The following SPOCK3 variants were observed in gnomAD, a reference collection of about 807,000 sequenced individuals.
SPOCK3 encodes SPARC (osteonectin), cwcv and kazal like domains proteoglycan 3.
A neutral mutation model predicts 56.6 loss-of-function variants in SPOCK3; 30 were observed. That is an observed-to-expected ratio of 0.53 (90% CI 0.40 to 0.72). SPOCK3 has a LOEUF of 0.72. Ranked by LOEUF, SPOCK3 falls within the 30% of genes least tolerant of loss-of-function variation. The pLI, the probability that SPOCK3 is intolerant of heterozygous loss-of-function variation, is 0.00. For synonymous variants in SPOCK3, 196 were observed against 183.3 expected (o/e 1.07, Z -0.56); for missense variants, 527 against 530.0 (o/e 0.99, Z 0.06).
At chr4:166,793,388 A>G (rs1359183550) in intron 6 of SPOCK3, among the ~76,000 whole-genome samples, 2 of 152,208 alleles carry the variant, frequency 1.3e-5, no homozygotes, top group African/African-American at 4.8e-5. Flanking sequence ...ACACTGGAAG[A>G]AGAATTGTCT....
intron 3 of SPOCK3, among the ~76,000 whole-genome samples, chr4:167,022,711 G>A (rs1445730871): frequency 6.6e-6 from 1 of 152,038 alleles, no homozygotes; most frequent in Non-Finnish European, 1.5e-5. Context: ...GTTTAGGGCA[G>A]CATATCCCAT....
chr4:167,118,994 C>A lies in SPOCK3; in HGVS notation c.190-56457G>T, dbSNP rs550591348. ...TGTTCTCTCAGTGACCAATCTCAGCCCTTCCAATTTATCTACATGCCTAGA... is the reference window on the plus strand; with the variant it reads ...TGTTCTCTCAGTGACCAATCTCAGCACTTCCAATTTATCTACATGCCTAGA... On this transcript the variant is annotated intron_variant, in intron 2 of 10. Coordinates refer to ENST00000357545, the MANE Select transcript of SPOCK3 (RefSeq NM_001040159.2). 3.9e-5 allele frequency among the ~76,000 whole-genome samples: 6 copies of A among 152,146 alleles called. No homozygotes were observed. The East Asian group carries it at 9.7e-4, about 25-fold the overall frequency.
At chr4:167,162,720 C>G (rs147650158) in intron 2 of SPOCK3, among the ~76,000 whole-genome samples, 319 of 152,152 alleles carry the variant, frequency 2.1e-3, no homozygotes, top group African/African-American at 7.0e-3. Context: ...TCTGCCTCCC[C>G]TATCATGGCA....
At chr4:166,770,966 C>T (rs965354407) in intron 7 of SPOCK3, among the ~76,000 whole-genome samples, 5 of 150,762 alleles carry the variant, frequency 3.3e-5, no homozygotes, top group East Asian at 1.9e-4. Context: ...TTATGTCTAT[C>T]GATCTTGTTT....
chr4:167,169,738 TA>T (rs34929668), intron 2 of SPOCK3, among the ~76,000 whole-genome samples: 41,515 of 151,850 alleles, frequency 0.27, 6,412 homozygotes, highest in African/African-American at 0.43. Context: ...AGGGGAGGAA[TA>T]AATATGGTTT....
intron 3 of SPOCK3, among the ~76,000 whole-genome samples, chr4:167,053,710 T>C (rs1754467738): frequency 6.6e-6 from 1 of 151,320 alleles, no homozygotes; most frequent in Non-Finnish European, 1.5e-5. Context: ...AATAAACAAA[T>C]AAATAAAAAA....
chr4:166,966,572 T>C (rs1447024009), intron 4 of SPOCK3, among the ~76,000 whole-genome samples: 1 of 152,156 alleles, frequency 6.6e-6, no homozygotes, highest in Non-Finnish European at 1.5e-5. Context: ...GTCAAGGACA[T>C]TCTGAAGTGA....
intron 6 of SPOCK3, among the ~76,000 whole-genome samples, chr4:166,839,573 G>T (rs1342769638): frequency 6.6e-6 from 1 of 152,078 alleles, no homozygotes; most frequent in Admixed American, 6.5e-5. Flanking sequence ...ACTAATGGAT[G>T]AAGTTCCTGG....
chr4:167,119,662 CTTGT>C (rs1761707953), intron 2 of SPOCK3: 2 of 610,962 alleles, frequency 3.3e-6, no homozygotes, highest in Admixed American at 2.9e-5. Context: ...CAGTCATAGA[CTTGT>C]TTGTTTGATG....
intron 2 of SPOCK3, among the ~76,000 whole-genome samples, chr4:167,129,863 A>T (rs1310435846): frequency 6.6e-6 from 1 of 152,168 alleles, no homozygotes; most frequent in Non-Finnish European, 1.5e-5. Flanking sequence ...TTGCACTAAA[A>T]TTTCTTATGC....
At chr4:166,960,830 T>C (rs1033918571) in intron 4 of SPOCK3, among the ~76,000 whole-genome samples, 2 of 152,088 alleles carry the variant, frequency 1.3e-5, no homozygotes, top group Non-Finnish European at 1.5e-5. Context: ...AAATCCCACC[T>C]GGTCAGTCTT....
intron 6 of SPOCK3, among the ~76,000 whole-genome samples, chr4:166,809,736 G>T (rs1427338220): frequency 6.6e-6 from 1 of 152,050 alleles, no homozygotes; most frequent in African/African-American, 2.4e-5. Flanking sequence ...GCCCCTGATA[G>T]CTGGAGATGA....
chr4:166,905,892 TAAC>T (rs1736552836), intron 5 of SPOCK3, among the ~76,000 whole-genome samples: 1 of 151,942 alleles, frequency 6.6e-6, no homozygotes, highest in Non-Finnish European at 1.5e-5. Context: ...AAAAAGTACT[TAAC>T]AAATTTAATA....
intron 4 of SPOCK3, among the ~76,000 whole-genome samples, chr4:166,963,009 C>T (rs890161984): frequency 1.1e-4 from 16 of 152,062 alleles, no homozygotes; most frequent in Non-Finnish European, 1.9e-4. Flanking sequence ...GTCATGCAGT[C>T]ATTCACACAC....
At chr4:166,807,308 T>TAAAAAAA (rs372411472) in intron 6 of SPOCK3, among the ~76,000 whole-genome samples, 3 of 129,822 alleles carry the variant, frequency 2.3e-5, no homozygotes, top group Non-Finnish European at 5.0e-5. Flanking sequence ...GCATAAAGCC[T>TAAAAAAA]AAAAAAAAAA....
chr4:166,733,657 G>C lies in SPOCK3; in HGVS notation c.*1264C>G, dbSNP rs1330697391. On this transcript the variant is annotated 3_prime_UTR_variant, in exon 11 of 11. Coordinates refer to ENST00000357545, the MANE Select transcript of SPOCK3 (RefSeq NM_001040159.2). Reference sequence around the variant, plus strand: ...TTGGTATGATATAGTTAAAAGTGATGGTGTGCCAAAATGTCTACACAATTA... The same window carrying C: ...TTGGTATGATATAGTTAAAAGTGATCGTGTGCCAAAATGTCTACACAATTA... 3 of 152,052 alleles carry C rather than the reference G, an allele frequency of 2.0e-5. No homozygotes were observed. The highest frequency in any genetic ancestry group is 3.0e-5 in the Non-Finnish European group (2 of 67,726). The allele number at this position is 152,052 out of a possible 1,614,324, so 9.4% of individuals were successfully genotyped here.
intron 2 of SPOCK3, among the ~76,000 whole-genome samples, chr4:167,122,059 C>T (rs892240739): frequency 3.3e-5 from 5 of 151,102 alleles, no homozygotes; most frequent in African/African-American, 4.9e-5. Context: ...TCCTCCATCC[C>T]TCCCTCCCTC....
intron 4 of SPOCK3, among the ~76,000 whole-genome samples, chr4:166,986,532 C>A (rs1407078105): frequency 6.6e-6 from 1 of 152,042 alleles, no homozygotes; most frequent in African/African-American, 2.4e-5. Flanking sequence ...CCCTGTGTTT[C>A]CAAGCCATCT....
Position 166,899,508 on chromosome 4 carries a change from C to CTTTTTTTTT in SPOCK3, c.475-10273_475-10265dup, listed in dbSNP as rs781766258. On this transcript the variant is annotated intron_variant, in intron 5 of 10. Transcript: ENST00000357545. Reference sequence around the variant, plus strand: ...ATCTGTTCAGTGTATTTCTTTCTTTCTTTTTTTTTTTTTTTTGAGACAGAG... The same window carrying CTTTTTTTTT: ...ATCTGTTCAGTGTATTTCTTTCTTTCTTTTTTTTTTTTTTTTTTTTTTTTTGAGACAGAG... Among the ~76,000 whole-genome samples the CTTTTTTTTT allele has an allele frequency of 6.2e-3, 743 of 118,988 alleles. 16 individuals carry two copies. Among genetic ancestry groups the CTTTTTTTTT allele is most frequent in the African/African-American group, 0.016 (507 of 32,386 alleles). 78.1% of individuals were successfully genotyped at this position (118,988 alleles called of 152,430 possible).
Sources: allele counts gnomAD v4.1 joint callset (sites outside exome capture counted in the v4.1 genomes callset), GRCh38; gene constraint gnomAD v4.1.1; transcripts MANE v1.5; gene names NCBI Gene and HGNC (gene_info 2026-07-23, HGNC 2026-07-21).